The following TSC22D2 variants were observed in gnomAD, a reference collection of about 807,000 sequenced individuals.
The protein encoded by TSC22D2 is TSC22 domain family member 2.
TSC22D2 carries 5 observed loss-of-function variants against 50.1 expected under a neutral mutation model. The observed-to-expected ratio is 0.10, with a 90% confidence interval of 0.05 to 0.21. The LOEUF (loss-of-function observed/expected upper bound fraction) is 0.21. TSC22D2 is among the 10% of genes least tolerant of loss of function. The pLI, the probability that TSC22D2 is intolerant of heterozygous loss-of-function variation, is 1.00. For missense variants in TSC22D2, 1,003 were observed against 1,015.5 expected, an observed-to-expected ratio of 0.99 and a Z score of 0.17; for synonymous variants, 501 against 450.1, an observed-to-expected ratio of 1.11 and a Z score of -1.43.
chr3:150,448,235 G>A (rs778325017), intron 1 of TSC22D2, among the ~76,000 whole-genome samples: 8 of 151,424 alleles, frequency 5.3e-5, no homozygotes, highest in Non-Finnish European at 1.0e-4. Flanking sequence ...TAGCTACTCA[G>A]GAGGCCAAGG....
Position 150,459,039 on chromosome 3 carries a change from A to G in TSC22D2, c.*403A>G, listed in dbSNP as rs916465262. On this transcript the variant is annotated 3_prime_UTR_variant, in exon 3 of 3. Transcript: ENST00000688009. The stretch of plus-strand genomic sequence containing the variant: ...CCACTTTTCTTTCTGATTCAGTAAC[A>G]TTTGCCTACATAAGTTTTCATTTAT... The G allele has an allele frequency of 1.9e-5, 3 of 158,638 alleles. No homozygotes were observed. The highest frequency in any genetic ancestry group is 2.9e-3 in the Middle Eastern group (1 of 340). 9.8% of individuals were successfully genotyped at this position (158,638 alleles called of 1,614,324 possible).
chr3:150,421,729 T>TA (rs1486106671), intron 1 of TSC22D2, among the ~76,000 whole-genome samples: 1 of 152,176 alleles, frequency 6.6e-6, no homozygotes, highest in Non-Finnish European at 1.5e-5. Flanking sequence ...TTAAGGCTCT[T>TA]AATAGGACCC....
chr3:150,433,014 A>T (rs1371785425), intron 1 of TSC22D2, among the ~76,000 whole-genome samples: 1 of 152,180 alleles, frequency 6.6e-6, no homozygotes, highest in Non-Finnish European at 1.5e-5. Flanking sequence ...TAGCTTACCA[A>T]AAATTAGCTC....
rs1721352253 is a variant in TSC22D2, at chr3:150,460,166, A to G, written c.*1530A>G. 1 of 152,134 alleles carries G rather than the reference A, an allele frequency of 6.6e-6. No homozygotes were observed. Among genetic ancestry groups the G allele is most frequent in the Non-Finnish European group, 1.5e-5 (1 of 67,996 alleles). The allele number at this position is 152,134 out of a possible 1,614,324, so 9.4% of individuals were successfully genotyped here. A position where few individuals can be genotyped will look rare whatever the true frequency, so the allele number is the denominator to read the frequency against. ...AAAATTTGACTAGATTTGTATTTTC[A>G]CAGTTCAAAATACTCCTTAAAGACC... On this transcript the variant is annotated 3_prime_UTR_variant, in exon 3 of 3. Transcript: ENST00000688009.
chr3:150,440,753 G>A (rs1349051530), intron 1 of TSC22D2, among the ~76,000 whole-genome samples: 1 of 151,784 alleles, frequency 6.6e-6, no homozygotes, highest in African/African-American at 2.4e-5. Flanking sequence ...AAGTTTTTTG[G>A]TTTTGTTTTC....
chr3:150,419,691 C>T (rs1051646690), intron 1 of TSC22D2, among the ~76,000 whole-genome samples: 2 of 152,040 alleles, frequency 1.3e-5, no homozygotes, highest in African/African-American at 4.8e-5. Context: ...GTAGACATGC[C>T]ACATGCTTTG....
At chr3:150,442,344 C>T (rs976909830) in intron 1 of TSC22D2, among the ~76,000 whole-genome samples, 6 of 152,154 alleles carry the variant, frequency 3.9e-5, no homozygotes, top group African/African-American at 1.4e-4. Context: ...CGTTGTATCC[C>T]CAGGGTCTGA....
intron 1 of TSC22D2, among the ~76,000 whole-genome samples, chr3:150,420,968 C>T (rs916796074): frequency 2.0e-5 from 3 of 151,980 alleles, no homozygotes; most frequent in African/African-American, 7.3e-5. Context: ...CTGTAATCCC[C>T]GCTACTCGGG....
chr3:150,431,654 A>G (rs1204972703), intron 1 of TSC22D2, among the ~76,000 whole-genome samples: 2 of 152,190 alleles, frequency 1.3e-5, no homozygotes, highest in Non-Finnish European at 2.9e-5. Context: ...GCTAGTTTGT[A>G]CTATTGGGAG....
intron 1 of TSC22D2, among the ~76,000 whole-genome samples, chr3:150,426,719 T>C (rs954146004): frequency 6.6e-5 from 10 of 152,306 alleles, no homozygotes; most frequent in Non-Finnish European, 1.3e-4. Flanking sequence ...TCTGTCCTTA[T>C]GATAGCACCA....
At chr3:150,456,180 GTTT>G (rs10603156) in intron 1 of TSC22D2, among the ~76,000 whole-genome samples, 14 of 140,800 alleles carry the variant, frequency 9.9e-5, no homozygotes, top group East Asian at 2.1e-4. Context: ...GTTTCTTTTT[GTTT>G]TTTTTTTTTT....
At position 150,421,710 on chromosome 3, in the gene TSC22D2, G is replaced by A. The variant is rs6798871; in HGVS notation, c.1958+10402G>A. Among the ~76,000 whole-genome samples the A allele has an allele frequency of 9.4e-3, 1,430 of 152,088 alleles. 16 individuals carry two copies. The highest frequency in any genetic ancestry group is 0.032 in the African/African-American group (1,345 of 41,472). ...TTTTTTTTATTGTACTAATAATTCT[G>A]CACAGACTTTAAGGCTCTTAATAGG... On this transcript the variant is annotated intron_variant, in intron 1 of 2. Transcript: ENST00000688009.
At chr3:150,443,651 G>T (rs2108092017) in intron 1 of TSC22D2, among the ~76,000 whole-genome samples, 1 of 152,282 alleles carries the variant, frequency 6.6e-6, no homozygotes, top group South Asian at 2.1e-4. Flanking sequence ...CATGCTTAAA[G>T]GCATGGTAGT....
intron 1 of TSC22D2, among the ~76,000 whole-genome samples, chr3:150,422,757 C>G (rs1480569348): frequency 6.6e-6 from 1 of 152,184 alleles, no homozygotes; most frequent in Non-Finnish European, 1.5e-5. Context: ...GAATTTGTCA[C>G]ATTTATATGC....
Position 150,408,787 on chromosome 3 carries a change from A to C in TSC22D2, c.-564A>C, listed in dbSNP as rs944866604. 1 of 153,060 alleles carries C rather than the reference A, an allele frequency of 6.5e-6. No homozygotes were observed. The highest frequency in any genetic ancestry group is 1.5e-5 in the Non-Finnish European group (1 of 68,686). 9.5% of individuals were successfully genotyped at this position (153,060 alleles called of 1,614,324 possible). A position where few individuals can be genotyped will look rare whatever the true frequency, so the allele number is the denominator to read the frequency against. On this transcript the variant is annotated 5_prime_UTR_variant, in exon 1 of 3. Transcript: ENST00000688009. ...GCTCCGGCCCGCGGCTCCCGGCTGA[A>C]TTAGGCATCTCCGACTCCGGACTCG... is the stretch of plus-strand genomic sequence containing the variant.
intron 1 of TSC22D2, among the ~76,000 whole-genome samples, chr3:150,411,912 A>G (rs1488208698): frequency 1.3e-5 from 2 of 152,132 alleles, no homozygotes; most frequent in African/African-American, 2.4e-5. Flanking sequence ...CTAAGATACT[A>G]TTTTTTTGTT....
chr3:150,410,869 C>G lies in TSC22D2; in HGVS notation c.1519C>G (p.Pro507Ala). 2 of 1,613,938 alleles carry G rather than the reference C, an allele frequency of 1.2e-6. No individual in the cohort carries two copies. Among genetic ancestry groups the G allele is most frequent in the South Asian group, 2.2e-5 (2 of 91,076 alleles). Reference protein sequence around the residue: ...GGPHAVVPGVPNVPAAVPAPS... With the variant: ...GGPHAVVPGVANVPAAVPAPS... ...CCCTCACGCCGTGGTGCCCGGAGTTCCAAACGTGCCTGCAGCCGTGCCCGC... is the reference window on the plus strand; with the variant it reads ...CCCTCACGCCGTGGTGCCCGGAGTTGCAAACGTGCCTGCAGCCGTGCCCGC... Residue 507 changes from proline (P) to alanine (A), a missense_variant, in exon 1 of 3, where the codon CCA (proline) becomes GCA (alanine). Pro to Ala is a conservative substitution (Grantham distance 27). Coordinates refer to ENST00000688009, the MANE Select transcript of TSC22D2 (RefSeq NM_001303264.2).
intron 1 of TSC22D2, among the ~76,000 whole-genome samples, chr3:150,452,873 A>C (rs1721083563): frequency 6.6e-6 from 1 of 152,192 alleles, no homozygotes; most frequent in African/African-American, 2.4e-5. Context: ...AAATGCTAAT[A>C]AATGTTTGAT....
intron 1 of TSC22D2, among the ~76,000 whole-genome samples, chr3:150,455,514 T>G (rs1721158553): frequency 6.6e-6 from 1 of 152,224 alleles, no homozygotes; most frequent in Admixed American, 6.5e-5. Context: ...TAGTTTCCCA[T>G]GTAATGATTC....
Sources: allele counts gnomAD v4.1 joint callset (sites outside exome capture counted in the v4.1 genomes callset), GRCh38; gene constraint gnomAD v4.1.1; transcripts MANE v1.5; gene names NCBI Gene and HGNC (gene_info 2026-07-23, HGNC 2026-07-21).